The following RABGEF1 variants were observed in gnomAD, a reference collection of about 807,000 sequenced individuals.
RABGEF1 encodes the protein RAB guanine nucleotide exchange factor 1.
Under a neutral mutation model 57.3 loss-of-function variants are expected in RABGEF1, and 26 were observed. That is an observed-to-expected ratio of 0.45 (90% confidence interval 0.33 to 0.63). The LOEUF is 0.63. Among genes scored for constraint, RABGEF1 ranks in the 20% least tolerant of loss-of-function variants. The probability of loss-of-function intolerance (pLI) is 0.02; values close to 1 mark genes in which losing one functional copy is unlikely to be tolerated. For synonymous variants in RABGEF1, 185 were observed against 210.7 expected (o/e 0.88, Z 1.06); for missense variants, 464 against 607.6 (o/e 0.76, Z 2.48).
intron 1 of RABGEF1, among the ~76,000 whole-genome samples, chr7:66,706,704 G>A (rs1267058473): frequency 4.0e-5 from 6 of 150,856 alleles, no homozygotes; most frequent in South Asian, 4.2e-4. Context: ...GTGAGCCACC[G>A]CGCCTAGCTG....
At chr7:66,670,866 ATTT>A in the RABGEF1 span, among the ~76,000 whole-genome samples, 2 of 150,286 alleles carry the variant, frequency 1.3e-5, no homozygotes, top group African/African-American at 2.5e-5. Flanking sequence ...ACAAAATTTT[ATTT>A]TTATTTATTT....
chr7:66,737,751 G>A (rs1450037815), upstream of RABGEF1, among the ~76,000 whole-genome samples: 3 of 152,274 alleles, frequency 2.0e-5, no homozygotes, highest in Non-Finnish European at 2.9e-5. Context: ...ACAGCTACTT[G>A]TGAGCCTGAG....
At chr7:66,699,303 A>G (rs1792851209) in intron 1 of RABGEF1, among the ~76,000 whole-genome samples, 1 of 152,210 alleles carries the variant, frequency 6.6e-6, no homozygotes, top group Admixed American at 6.5e-5. Flanking sequence ...ACCGGGAGAC[A>G]AAGGACTGGA....
intron 1 of RABGEF1, among the ~76,000 whole-genome samples, chr7:66,706,874 C>T (rs1010397633): frequency 6.6e-5 from 10 of 150,620 alleles, no homozygotes; most frequent in Non-Finnish European, 8.9e-5. Flanking sequence ...CTCTGCCTCC[C>T]GGGTTCACGC....
At chr7:66,729,590 C>T (rs1437126893) in intron 2 of RABGEF1, among the ~76,000 whole-genome samples, 1 of 152,078 alleles carries the variant, frequency 6.6e-6, no homozygotes, top group Non-Finnish European at 1.5e-5. Flanking sequence ...ATCCTTACTT[C>T]CACCTTTACC....
chr7:66,752,316 G>A (rs1184506202), intron 1 of RABGEF1, among the ~76,000 whole-genome samples: 4 of 152,162 alleles, frequency 2.6e-5, no homozygotes, highest in East Asian at 3.9e-4. Context: ...CCAACATGGT[G>A]AAACCCTGTC....
chr7:66,686,101 G>A (rs1790584844), intron 1 of RABGEF1, among the ~76,000 whole-genome samples: 1 of 152,016 alleles, frequency 6.6e-6, no homozygotes, highest in East Asian at 1.9e-4. Context: ...TCAAGACTGC[G>A]AAACCCCGTC....
chr7:66,702,343 TTGTTTGTGTG>T (rs769281449), intron 1 of RABGEF1, among the ~76,000 whole-genome samples: 4 of 127,284 alleles, frequency 3.1e-5, no homozygotes, highest in African/African-American at 9.3e-5. Context: ...GGCTATTGTT[TTGTTTGTGTG>T]TGTGTGTGTG....
chr7:66,671,654 T>C, the RABGEF1 span, among the ~76,000 whole-genome samples: 1 of 152,132 alleles, frequency 6.6e-6, no homozygotes, highest in Admixed American at 6.6e-5. Context: ...AAAAACACAA[T>C]GTCAACAACA....
At chr7:66,661,618 A>G in the RABGEF1 span, among the ~76,000 whole-genome samples, 13 of 152,172 alleles carry the variant, frequency 8.5e-5, no homozygotes, top group Admixed American at 2.0e-4. Flanking sequence ...AGAACATTAA[A>G]TTACTAATTA....
At chr7:66,706,355 G>A (rs549092582) in intron 1 of RABGEF1, among the ~76,000 whole-genome samples, 31 of 152,164 alleles carry the variant, frequency 2.0e-4, no homozygotes, top group Middle Eastern at 3.4e-3. Context: ...TGACTAGGTC[G>A]TACGATAGGT....
chr7:66,783,059 GTGT>G (rs1356203965), intron 3 of RABGEF1, among the ~76,000 whole-genome samples: 5 of 152,186 alleles, frequency 3.3e-5, no homozygotes, highest in African/African-American at 1.2e-4. Context: ...CGGTGGGATA[GTGT>G]AGTGCATGTT....
Position 66,685,430 on chromosome 7 carries a change from G to C in RABGEF1, c.-873+3172G>C, listed in dbSNP as rs189464764. Among the ~76,000 whole-genome samples, 69 of 152,042 alleles carry C rather than the reference G, an allele frequency of 4.5e-4. No homozygotes were observed. In the East Asian group the frequency reaches 0.013, roughly 29 times the overall value. ...AGCACTTTCGGAGGCCAAGGTGGGA[G>C]AATCACTTGAGGCTAGGAGTTGGAG... On this transcript the variant is annotated intron_variant and NMD_transcript_variant, in intron 1 of 9. Coordinates refer to the RABGEF1 transcript ENST00000607882.
At chr7:66,716,048 T>C (rs117681343) in intron 2 of RABGEF1, among the ~76,000 whole-genome samples, 341 of 152,364 alleles carry the variant, frequency 2.2e-3, no homozygotes, top group Non-Finnish European at 4.0e-3. Context: ...AGTCCAACTA[T>C]AATTTTGAGT....
intron 8 of RABGEF1, 29 bp downstream of exon 8, chr7:66,805,425 A>C (rs781207597): frequency 6.2e-7 from 1 of 1,611,584 alleles, no homozygotes; most frequent in Non-Finnish European, 8.5e-7. Flanking sequence ...GGTGTTGTGG[A>C]GAAGGACTAG....
intron 1 of RABGEF1, among the ~76,000 whole-genome samples, chr7:66,696,707 A>AG (rs1172892323): frequency 6.9e-5 from 10 of 144,372 alleles, no homozygotes; most frequent in East Asian, 6.3e-4. Context: ...AAAAAAAAAA[A>AG]AAAAAGAAAA....
At chr7:66,663,800 A>G in the RABGEF1 span, among the ~76,000 whole-genome samples, 2 of 151,988 alleles carry the variant, frequency 1.3e-5, no homozygotes, top group African/African-American at 4.8e-5. Context: ...ATCGCTGGGC[A>G]TGGTGGCTCA....
At chr7:66,794,183 G>A (rs1302318699) in intron 4 of RABGEF1, among the ~76,000 whole-genome samples, 3 of 130,654 alleles carry the variant, frequency 2.3e-5, no homozygotes, top group Admixed American at 7.6e-5. Flanking sequence ...CTGTGGCTCT[G>A]CTTTAGGTCT....
chr7:66,754,818 C>T (rs978442258), intron 1 of RABGEF1, among the ~76,000 whole-genome samples: 7 of 152,132 alleles, frequency 4.6e-5, no homozygotes, highest in African/African-American at 1.7e-4. Flanking sequence ...TTTACCCAGC[C>T]ACAGCAAGTG....
Sources: allele counts gnomAD v4.1 joint callset (sites outside exome capture counted in the v4.1 genomes callset), GRCh38; gene constraint gnomAD v4.1.1; transcripts MANE v1.5; gene names NCBI Gene and HGNC (gene_info 2026-07-23, HGNC 2026-07-21).